The following NEK11 variants were observed in gnomAD, a reference collection of about 807,000 sequenced individuals.
NEK11 encodes the protein serine/threonine-protein kinase Nek11.
A neutral mutation model predicts 80.7 loss-of-function variants in NEK11; 72 were observed. That is an observed-to-expected ratio of 0.89 (90% confidence interval 0.74 to 1.08). The LOEUF (loss-of-function observed/expected upper bound fraction) is 1.08, where lower values mean the gene tolerates loss of function less well. Ranked by LOEUF, NEK11 falls within the 50% of genes least tolerant of loss-of-function variation. The pLI, the probability that NEK11 is intolerant of heterozygous loss-of-function variation, is 0.00. For synonymous variants in NEK11, 251 were observed against 260.7 expected (o/e 0.96, Z 0.36); for missense variants, 764 against 763.6 (o/e 1.00, Z -0.01).
intron 4 of NEK11, among the ~76,000 whole-genome samples, chr3:131,103,620 A>T (rs191072770): frequency 6.6e-6 from 1 of 151,682 alleles, no homozygotes; most frequent in East Asian, 1.9e-4. Flanking sequence ...CCTTGGGGGA[A>T]CTCCTTCCAA....
intron 4 of NEK11, among the ~76,000 whole-genome samples, chr3:131,096,989 G>C (rs188295583): frequency 6.7e-6 from 1 of 148,810 alleles, no homozygotes; most frequent in East Asian, 2.0e-4. Context: ...TGCGGTGTTT[G>C]GTGTTTTGTC....
chr3:131,305,522 TA>T (rs1486878217), intron 17 of NEK11, among the ~76,000 whole-genome samples: 1 of 152,152 alleles, frequency 6.6e-6, no homozygotes, highest in Non-Finnish European at 1.5e-5. Flanking sequence ...TCCCTAAGGT[TA>T]AAGTCTCCTA....
intron 17 of NEK11, among the ~76,000 whole-genome samples, chr3:131,321,930 G>A (rs1212702095): frequency 2.0e-5 from 3 of 152,182 alleles, no homozygotes; most frequent in East Asian, 1.9e-4. Flanking sequence ...AAGCAGCTTG[G>A]AGATTTCTTA....
At chr3:131,265,823 G>A (rs76248586) in intron 16 of NEK11, among the ~76,000 whole-genome samples, 5 of 152,072 alleles carry the variant, frequency 3.3e-5, no homozygotes, top group Non-Finnish European at 7.4e-5. Flanking sequence ...GGTAGAATTC[G>A]GCTGTGAATC....
chr3:131,245,231 C>G (rs1292107039), intron 16 of NEK11, among the ~76,000 whole-genome samples: 1 of 151,814 alleles, frequency 6.6e-6, no homozygotes, highest in Non-Finnish European at 1.5e-5. Flanking sequence ...AAGATAATGG[C>G]CTCCAGTTCT....
chr3:131,270,145 G>T (rs1482684837), intron 16 of NEK11, among the ~76,000 whole-genome samples: 1 of 152,142 alleles, frequency 6.6e-6, no homozygotes, highest in Non-Finnish European at 1.5e-5. Flanking sequence ...AGTTCCTGAG[G>T]GAGAATGACA....
intron 16 of NEK11, among the ~76,000 whole-genome samples, chr3:131,261,776 C>A (rs2095926206): frequency 6.6e-6 from 1 of 152,158 alleles, no homozygotes; most frequent in South Asian, 2.1e-4. Flanking sequence ...GATAGCCTAT[C>A]TTCTTAATTG....
At chr3:131,184,156 G>A (rs1357816399) in intron 14 of NEK11, among the ~76,000 whole-genome samples, 1 of 152,050 alleles carries the variant, frequency 6.6e-6, no homozygotes, top group Non-Finnish European at 1.5e-5. Flanking sequence ...CATTATATTG[G>A]CAATATTCAT....
At chr3:131,175,397 A>C (rs2092946610) in intron 14 of NEK11, among the ~76,000 whole-genome samples, 1 of 152,218 alleles carries the variant, frequency 6.6e-6, no homozygotes, top group Non-Finnish European at 1.5e-5. Context: ...TTGTTGATGG[A>C]ATATATACTC....
At position 131,094,824 on chromosome 3, in the gene NEK11, A is replaced by G. The variant is rs899814901; in HGVS notation, c.336+14236A>G. ...CTTGTCAAAATTATGGGTTTGACAA[A>G]CCAGACAGTGGTTATAAACCATTTT... On this transcript the variant is annotated intron_variant, in intron 4 of 17. Coordinates refer to ENST00000383366, the MANE Select transcript of NEK11 (RefSeq NM_024800.5). 2.0e-5 allele frequency among the ~76,000 whole-genome samples: 3 copies of G among 152,194 alleles called. No individual in the cohort carries two copies. The East Asian group carries it at 5.8e-4, about 29-fold the overall frequency.
chr3:131,140,648 A>G (rs148986240), intron 7 of NEK11, among the ~76,000 whole-genome samples: 10 of 152,182 alleles, frequency 6.6e-5, no homozygotes, highest in Non-Finnish European at 1.2e-4. Context: ...CCTCCGTATG[A>G]CAATCTGGCA....
At chr3:131,284,964 A>G (rs577268912) in intron 17 of NEK11, among the ~76,000 whole-genome samples, 29 of 152,298 alleles carry the variant, frequency 1.9e-4, no homozygotes, top group Non-Finnish European at 3.5e-4. Flanking sequence ...ATCCTCCTTA[A>G]TAAACTCCCT....
chr3:131,289,345 C>T (rs2096518488), intron 17 of NEK11, among the ~76,000 whole-genome samples: 1 of 152,182 alleles, frequency 6.6e-6, no homozygotes, highest in Non-Finnish European at 1.5e-5. Flanking sequence ...TACAAATATA[C>T]AAATATTCAG....
chr3:131,266,597 A>G (rs1276266666), intron 16 of NEK11, among the ~76,000 whole-genome samples: 1 of 152,138 alleles, frequency 6.6e-6, no homozygotes, highest in Non-Finnish European at 1.5e-5. Context: ...ATTCTTTTGC[A>G]TTTGCTAAAG....
At chr3:131,050,662 T>G (rs2068223170) in intron 3 of NEK11, among the ~76,000 whole-genome samples, 1 of 152,202 alleles carries the variant, frequency 6.6e-6, no homozygotes, top group Non-Finnish European at 1.5e-5. Flanking sequence ...TATATTTTAT[T>G]TATTTATTAG....
chr3:131,187,729 G>A (rs971854982), intron 14 of NEK11, among the ~76,000 whole-genome samples: 1 of 152,130 alleles, frequency 6.6e-6, no homozygotes, highest in East Asian at 1.9e-4. Flanking sequence ...TACTTCCAGA[G>A]CATATTAGGA....
chr3:131,037,577 C>A (rs2065842551), intron 3 of NEK11, among the ~76,000 whole-genome samples: 1 of 152,178 alleles, frequency 6.6e-6, no homozygotes, highest in East Asian at 1.9e-4. Flanking sequence ...CCACCATGCC[C>A]AGCAGGAATA....
intron 4 of NEK11, among the ~76,000 whole-genome samples, chr3:131,103,630 A>G (rs746615485): frequency 9.2e-5 from 14 of 152,154 alleles, no homozygotes; most frequent in Non-Finnish European, 2.1e-4. Context: ...ACTCCTTCCA[A>G]TCACTGGCAC....
intron 17 of NEK11, among the ~76,000 whole-genome samples, chr3:131,282,441 G>C (rs1036351290): frequency 1.3e-5 from 2 of 152,134 alleles, no homozygotes; most frequent in Non-Finnish European, 2.9e-5. Context: ...TATATTGAAT[G>C]GCTACCACAG....
Sources: allele counts gnomAD v4.1 joint callset (sites outside exome capture counted in the v4.1 genomes callset), GRCh38; gene constraint gnomAD v4.1.1; transcripts MANE v1.5; gene names NCBI Gene and HGNC (gene_info 2026-07-23, HGNC 2026-07-21).